The following FGD4 variants were observed in gnomAD, a reference collection of about 807,000 sequenced individuals.
The protein encoded by FGD4 is FYVE, RhoGEF and PH domain-containing protein 4.
Under a neutral mutation model 102.0 loss-of-function variants are expected in FGD4, and 42 were observed. That is an observed-to-expected ratio of 0.41 (90% CI 0.32 to 0.53). FGD4 has a LOEUF of 0.53. Among genes scored for constraint, FGD4 ranks in the 20% least tolerant of loss-of-function variants. FGD4 has a pLI of 0.21. For synonymous variants in FGD4, 380 were observed against 375.7 expected, an observed-to-expected ratio of 1.01 and a Z score of -0.13; for missense variants, 902 against 1,078.2, an observed-to-expected ratio of 0.84 and a Z score of 2.29.
chr12:32,526,939 A>G (rs1267518199), intron 1 of FGD4, among the ~76,000 whole-genome samples: 1 of 152,214 alleles, frequency 6.6e-6, no homozygotes, highest in Non-Finnish European at 1.5e-5. Context: ...CGTCGCATGA[A>G]TATACTTTAA....
At chr12:32,440,739 T>C (rs1258989180) in intron 1 of FGD4, among the ~76,000 whole-genome samples, 1 of 152,210 alleles carries the variant, frequency 6.6e-6, no homozygotes, top group East Asian at 1.9e-4. Context: ...CAGCCAGGCC[T>C]GTGCCATTCC....
chr12:32,598,992 T>C (rs1480092663), intron 5 of FGD4, among the ~76,000 whole-genome samples: 4 of 152,238 alleles, frequency 2.6e-5, no homozygotes, highest in African/African-American at 9.6e-5. Context: ...GTGAGTGATC[T>C]GAGCTGGTGT....
intron 1 of FGD4, among the ~76,000 whole-genome samples, chr12:32,435,959 T>C (rs1942215004): frequency 6.6e-6 from 1 of 152,234 alleles, no homozygotes; most frequent in African/African-American, 2.4e-5. Context: ...GGACAGAAGC[T>C]TGCTCCTTAG....
intron 10 of FGD4, among the ~76,000 whole-genome samples, chr12:32,615,832 G>T (rs1949418426): frequency 6.6e-6 from 1 of 152,044 alleles, no homozygotes; most frequent in Non-Finnish European, 1.5e-5. Flanking sequence ...GGGGTTAGGG[G>T]CTGTTGTCCT....
At chr12:32,609,576 C>T (rs1274182133) in intron 8 of FGD4, among the ~76,000 whole-genome samples, 1 of 151,950 alleles carries the variant, frequency 6.6e-6, no homozygotes, top group Non-Finnish European at 1.5e-5. Context: ...CTTTGGTATC[C>T]CCTTAGATGC....
chr12:32,532,228 G>T (rs1941874795), intron 1 of FGD4, among the ~76,000 whole-genome samples: 1 of 152,162 alleles, frequency 6.6e-6, no homozygotes, highest in Non-Finnish European at 1.5e-5. Context: ...CTGTAATAAA[G>T]ATTATGTGAA....
At chr12:32,525,527 T>G (rs1592106627) in intron 1 of FGD4, among the ~76,000 whole-genome samples, 2 of 152,264 alleles carry the variant, frequency 1.3e-5, no homozygotes, top group East Asian at 3.8e-4. Flanking sequence ...CTCAGAGCCC[T>G]CGCTTGCTCT....
intron 1 of FGD4, among the ~76,000 whole-genome samples, chr12:32,528,261 C>G (rs989919891): frequency 6.6e-5 from 10 of 152,254 alleles, no homozygotes; most frequent in South Asian, 2.1e-4. Flanking sequence ...TTAACAGTAC[C>G]GAGTTGTCAC....
chr12:32,413,676 G>A (rs1250739731), intron 1 of FGD4, among the ~76,000 whole-genome samples: 1 of 152,144 alleles, frequency 6.6e-6, no homozygotes, highest in East Asian at 1.9e-4. Flanking sequence ...ACACAATCTG[G>A]AAGTCTCCCT....
chr12:32,519,244 T>C (rs917258068), intron 1 of FGD4, among the ~76,000 whole-genome samples: 1 of 151,814 alleles, frequency 6.6e-6, no homozygotes, highest in East Asian at 1.9e-4. Flanking sequence ...TTAGCAGATA[T>C]ATTTGGAAAA....
chr12:32,631,109 A>G (rs887328165), intron 14 of FGD4, among the ~76,000 whole-genome samples: 1 of 152,214 alleles, frequency 6.6e-6, no homozygotes, highest in African/African-American at 2.4e-5. Flanking sequence ...ATCCAAAAAT[A>G]TGTTTCTGAT....
rs751053051 is a variant in FGD4, at chr12:32,582,293, C to T, written c.837C>T (p.Pro279=). 1 of 1,614,228 alleles carries T rather than the reference C, an allele frequency of 6.2e-7. No individual in the cohort carries two copies. The highest frequency in any genetic ancestry group is 8.5e-7 in the Non-Finnish European group (1 of 1,180,038). The change falls in exon 4 of 17, where the codon CCC becomes CCT. Residue 279 remains proline (P), a synonymous_variant. Coordinates refer to ENST00000534526, the MANE Select transcript of FGD4 (RefSeq NM_001370298.3). ...RDETATAPAS[P]TTDSCDGNAS... ...AAACTGCCACAGCTCCTGCATCACCCACAACAGACAGCTGTGATGGAAATG... is the reference window on the plus strand; with the variant it reads ...AAACTGCCACAGCTCCTGCATCACCTACAACAGACAGCTGTGATGGAAATG...
chr12:32,561,069 G>GTTTTTTTTTTTTTTT (rs1565841408), intron 1 of FGD4, among the ~76,000 whole-genome samples: 1 of 91,998 alleles, frequency 1.1e-5, no homozygotes, highest in Non-Finnish European at 2.3e-5. Context: ...TTCTTTGTTG[G>GTTTTTTTTTTTTTTT]GTTTTGTTTT....
chr12:32,512,965 A>G (rs1455505328), intron 1 of FGD4, among the ~76,000 whole-genome samples: 1 of 152,212 alleles, frequency 6.6e-6, no homozygotes, highest in Non-Finnish European at 1.5e-5. Flanking sequence ...GTAGATTTAT[A>G]TACTTATCCA....
At chr12:32,533,580 C>T (rs1354644522) in intron 1 of FGD4, among the ~76,000 whole-genome samples, 1 of 152,144 alleles carries the variant, frequency 6.6e-6, no homozygotes, top group East Asian at 1.9e-4. Context: ...TGCATGCCAC[C>T]ACACCCGGCT....
chr12:32,636,080 G>T (rs1950795113), intron 15 of FGD4, among the ~76,000 whole-genome samples: 1 of 150,806 alleles, frequency 6.6e-6, no homozygotes, highest in African/African-American at 2.4e-5. Flanking sequence ...TTTGGGGGAG[G>T]ATAACCATTC....
chr12:32,434,783 A>C (rs1942167330), intron 1 of FGD4, among the ~76,000 whole-genome samples: 1 of 152,240 alleles, frequency 6.6e-6, no homozygotes, highest in Non-Finnish European at 1.5e-5. Context: ...AAAAATCTAC[A>C]CAATGTGTTG....
At chr12:32,453,507 T>A (rs1942868405) in intron 1 of FGD4, among the ~76,000 whole-genome samples, 1 of 151,876 alleles carries the variant, frequency 6.6e-6, no homozygotes, top group Non-Finnish European at 1.5e-5. Context: ...GTGCTGGGAT[T>A]ACAGGTGTGA....
chr12:32,519,969 C>A (rs558549629), intron 1 of FGD4, among the ~76,000 whole-genome samples: 2 of 151,888 alleles, frequency 1.3e-5, no homozygotes, highest in Non-Finnish European at 2.9e-5. Context: ...AATAAAAAAT[C>A]TTTGAATAGT....
Sources: gnomAD v4.1 joint callset for allele counts (sites outside exome capture counted in the v4.1 genomes callset) on GRCh38, gnomAD v4.1.1 for gene constraint, MANE v1.5 for transcripts, NCBI Gene and HGNC (gene_info 2026-07-23, HGNC 2026-07-21) for gene names.